Variants in DMD observed in about 807,000 individuals in gnomAD.
DMD encodes the protein dystrophin, also known as mutant dystrophin.
A neutral mutation model predicts 330.1 loss-of-function variants in DMD; 63 were observed. The observed-to-expected ratio is 0.19, with a 90% confidence interval of 0.16 to 0.24. The LOEUF is 0.24. DMD is among the 10% of genes least tolerant of loss of function. The pLI is 1.00. For synonymous variants in DMD, 1,223 were observed against 959.8 expected, an observed-to-expected ratio of 1.27 and a Z score of -5.07; for missense variants, 3,344 against 2,684.1, an observed-to-expected ratio of 1.25 and a Z score of -5.43.
chrX:32,346,210 A>T lies in DMD; in HGVS notation c.5449-130T>A. The T allele has an allele frequency of 7.0e-6, 5 of 716,788 alleles. No homozygotes were observed. In the Admixed American group the frequency reaches 1.4e-4, roughly 20 times the overall value. The allele number at this position is 716,788 out of a possible 1,213,427, so 59.1% of individuals were successfully genotyped here. Reference sequence around the variant, plus strand: ...TTTAAAACTTTCATGGAATGCTATTATAAGATACTGTGCTCATAGCCTTTC... The same window carrying T: ...TTTAAAACTTTCATGGAATGCTATTTTAAGATACTGTGCTCATAGCCTTTC... On this transcript the variant is annotated intron_variant, in intron 38 of 78. Coordinates refer to ENST00000357033, the MANE Select transcript of DMD (RefSeq NM_004006.3).
Position 31,387,518 on chromosome X carries a change from G to C in DMD, c.9085-38884C>G, listed in dbSNP as rs182171818. Among the ~76,000 whole-genome samples the C allele has an allele frequency of 2.5e-3, 273 of 111,095 alleles. 1 individual carries two copies. The highest frequency in any genetic ancestry group is 8.4e-3 in the African/African-American group (255 of 30,526). Reference sequence around the variant, plus strand: ...GGGTTCATGTGACTCTCCTGCCTCAGCCTCCCAAGTAGCCGGGACTATGGG... The same window carrying C: ...GGGTTCATGTGACTCTCCTGCCTCACCCTCCCAAGTAGCCGGGACTATGGG... On this transcript the variant is annotated intron_variant, in intron 60 of 78. Transcript: ENST00000357033.
At chrX:32,490,886 G>C (rs1346155044) in intron 20 of DMD, among the ~76,000 whole-genome samples, 3 of 111,935 alleles carry the variant, frequency 2.7e-5, no homozygotes, top group Non-Finnish European at 5.6e-5. Flanking sequence ...ATCCAAGCTT[G>C]TTGTTGACCC....
intron 4 of DMD, among the ~76,000 whole-genome samples, chrX:32,839,806 G>C (rs1478580610): frequency 9.0e-6 from 1 of 110,526 alleles, no homozygotes. Flanking sequence ...CTGCTCCCAG[G>C]TTCACGTGAT....
intron 23 of DMD, among the ~76,000 whole-genome samples, chrX:32,467,604 G>A (rs776447393): frequency 9.5e-6 from 1 of 105,520 alleles, no homozygotes; most frequent in East Asian, 3.0e-4. Flanking sequence ...ATGTATATAT[G>A]TACATGATAT....
chrX:31,172,502 A>G, intron 72 of DMD, 89 bp from the exon 73 acceptor site: 1 of 701,181 alleles, frequency 1.4e-6, no homozygotes, highest in Non-Finnish European at 2.3e-6. Context: ...AAACTAAAGG[A>G]TAAATCATGG....
chrX:32,735,529 C>T (rs2148107302), intron 7 of DMD, among the ~76,000 whole-genome samples: 1 of 111,411 alleles, frequency 9.0e-6, no homozygotes, highest in African/African-American at 3.3e-5. Context: ...TACAAGGCTG[C>T]AGTAACCAAA....
chrX:32,273,330 C>T (rs1317666331), intron 43 of DMD, among the ~76,000 whole-genome samples: 4 of 110,410 alleles, frequency 3.6e-5, no homozygotes, highest in African/African-American at 1.3e-4. Flanking sequence ...AGTGGTGTGC[C>T]TCTGTAATCC....
chrX:32,844,446 A>T (rs1360523785), intron 4 of DMD, among the ~76,000 whole-genome samples: 3 of 110,514 alleles, frequency 2.7e-5, no homozygotes, highest in Non-Finnish European at 5.7e-5. Context: ...AGAAAAGAAA[A>T]AAGAAAAAGA....
intron 2 of DMD, among the ~76,000 whole-genome samples, chrX:32,980,391 A>AAAAT (rs1399310208): frequency 5.0e-5 from 5 of 99,802 alleles, no homozygotes; most frequent in Admixed American, 3.3e-4. Context: ...AAAAAAAAAA[A>AAAAT]AAGGAGTAAA....
intron 16 of DMD, among the ~76,000 whole-genome samples, chrX:32,556,054 G>T (rs228413): frequency 6.3e-5 from 7 of 111,761 alleles, no homozygotes; most frequent in Non-Finnish European, 1.1e-4. Context: ...TGGGAGAAAA[G>T]TTTTGCCATC....
intron 29 of DMD, among the ~76,000 whole-genome samples, chrX:32,420,245 A>T (rs1202745822): frequency 8.9e-6 from 1 of 111,821 alleles, no homozygotes; most frequent in East Asian, 2.8e-4. Flanking sequence ...TAATTAAAAT[A>T]TTTAAGTCGC....
chrX:31,961,536 A>G (rs1269553926), intron 45 of DMD, among the ~76,000 whole-genome samples: 1 of 111,464 alleles, frequency 9.0e-6, no homozygotes, highest in African/African-American at 3.3e-5. Context: ...GCATATGTAA[A>G]TAGGTATGAT....
chrX:32,584,643 C>A (rs185811835), intron 13 of DMD, among the ~76,000 whole-genome samples: 140 of 111,730 alleles, frequency 1.3e-3, no homozygotes, highest in African/African-American at 4.4e-3. Context: ...AATATAGTAT[C>A]CAGTGAAAAA....
intron 41 of DMD, among the ~76,000 whole-genome samples, chrX:32,329,827 C>A (rs1448858351): frequency 1.8e-5 from 2 of 112,398 alleles, no homozygotes; most frequent in African/African-American, 3.2e-5. Flanking sequence ...GCGAGAAGTG[C>A]CCATGCACTG....
intron 2 of DMD, among the ~76,000 whole-genome samples, chrX:32,943,615 A>G (rs762206726): frequency 6.9e-4 from 77 of 111,305 alleles, no homozygotes; most frequent in African/African-American, 2.4e-3. Flanking sequence ...TAACAATTAA[A>G]CAATAAATAT....
intron 9 of DMD, among the ~76,000 whole-genome samples, chrX:32,656,792 GT>G (rs1418496869): frequency 9.0e-6 from 1 of 111,639 alleles, no homozygotes; most frequent in Non-Finnish European, 1.9e-5. Flanking sequence ...TTACTAAATT[GT>G]TTGGGGTAAT....
At chrX:32,596,875 G>A (rs1392060639) in intron 12 of DMD, among the ~76,000 whole-genome samples, 3 of 110,827 alleles carry the variant, frequency 2.7e-5, no homozygotes, top group East Asian at 2.9e-4. Flanking sequence ...TCCTTTACTC[G>A]TTTTTTCCCT....
intron 21 of DMD, among the ~76,000 whole-genome samples, chrX:32,482,497 T>G (rs2041998824): frequency 8.9e-6 from 1 of 112,019 alleles, no homozygotes; most frequent in Non-Finnish European, 1.9e-5. Context: ...CCCTTTTTAT[T>G]GCTCAGTAAC....
At chrX:32,382,060 C>T (rs5972549) in intron 33 of DMD, among the ~76,000 whole-genome samples, 1 of 109,700 alleles carries the variant, frequency 9.1e-6, no homozygotes, top group African/African-American at 3.3e-5. Flanking sequence ...ACATATTGTA[C>T]CACCTCAATC....
Sources: gnomAD v4.1 joint callset for allele counts (sites outside exome capture counted in the v4.1 genomes callset) on GRCh38, gnomAD v4.1.1 for gene constraint, MANE v1.5 for transcripts, NCBI Gene and HGNC (gene_info 2026-07-23, HGNC 2026-07-21) for gene names.